The following NAALADL2 variants were observed in gnomAD, a reference collection of about 807,000 sequenced individuals.
The protein encoded by NAALADL2 is inactive N-acetylated-alpha-linked acidic dipeptidase-like protein 2.
A neutral mutation model predicts 87.2 loss-of-function variants in NAALADL2; 76 were observed. That is an observed-to-expected ratio of 0.87 (90% CI 0.72 to 1.05). The LOEUF (loss-of-function observed/expected upper bound fraction) is 1.05. Among genes scored for constraint, NAALADL2 ranks in the 50% least tolerant of loss-of-function variants. The pLI is 0.00. For missense variants in NAALADL2, 1,089 were observed against 945.8 expected (o/e 1.15, Z -1.99); for synonymous variants, 354 against 331.0 (o/e 1.07, Z -0.75).
intron 9 of NAALADL2, among the ~76,000 whole-genome samples, chr3:175,522,366 A>G (rs1340730648): frequency 6.6e-6 from 1 of 152,210 alleles, no homozygotes; most frequent in Non-Finnish European, 1.5e-5. Flanking sequence ...ACAGTAGGAC[A>G]AAAAGTTTCA....
intron 2 of NAALADL2, among the ~76,000 whole-genome samples, chr3:175,134,573 A>G (rs1728796779): frequency 6.6e-6 from 1 of 152,136 alleles, no homozygotes; most frequent in Non-Finnish European, 1.5e-5. Flanking sequence ...CTTTTTTCTC[A>G]ATATATAGCA....
At chr3:175,005,045 C>T (rs1227521945) in intron 1 of NAALADL2, among the ~76,000 whole-genome samples, 1 of 152,124 alleles carries the variant, frequency 6.6e-6, no homozygotes. Flanking sequence ...ATAGGTACTT[C>T]CTCTTGCTAA....
intron 9 of NAALADL2, among the ~76,000 whole-genome samples, chr3:175,544,381 A>G (rs1271724043): frequency 6.6e-6 from 1 of 152,156 alleles, no homozygotes; most frequent in African/African-American, 2.4e-5. Flanking sequence ...TCTGGAACAA[A>G]TAGCTAAATC....
At chr3:174,508,135 A>C (rs1719344616) in intron 1 of NAALADL2, among the ~76,000 whole-genome samples, 3 of 28,996 alleles carry the variant, frequency 1.0e-4, no homozygotes, top group Non-Finnish European at 1.6e-4. Context: ...TTTTTTTGAG[A>C]CGAAGTCTTG....
intron 5 of NAALADL2, among the ~76,000 whole-genome samples, chr3:175,370,729 G>A (rs778057161): frequency 6.6e-6 from 1 of 152,102 alleles, no homozygotes; most frequent in East Asian, 1.9e-4. Context: ...ACATTCGATG[G>A]TTCTGTGATA....
chr3:175,593,650 C>T (rs1267332437), intron 10 of NAALADL2, among the ~76,000 whole-genome samples: 1 of 152,122 alleles, frequency 6.6e-6, no homozygotes, highest in Non-Finnish European at 1.5e-5. Context: ...TTGTGGTTTG[C>T]TGCCAATGTT....
intron 9 of NAALADL2, among the ~76,000 whole-genome samples, chr3:175,542,758 A>G (rs540820107): frequency 1.3e-5 from 2 of 152,222 alleles, no homozygotes; most frequent in Non-Finnish European, 2.9e-5. Flanking sequence ...GTGGACCTAC[A>G]CAGTTTAAAT....
chr3:174,909,165 G>T (rs1222175208), intron 1 of NAALADL2, among the ~76,000 whole-genome samples: 3 of 152,024 alleles, frequency 2.0e-5, no homozygotes, highest in Admixed American at 2.0e-4. Context: ...CAGGCAGGCG[G>T]ATCACCTCAC....
chr3:175,243,320 A>AC (rs1747285073), intron 3 of NAALADL2, among the ~76,000 whole-genome samples: 1 of 103,810 alleles, frequency 9.6e-6, no homozygotes, highest in African/African-American at 3.5e-5. Context: ...CTTTAGAAGG[A>AC]AACACACACA....
chr3:175,474,209 C>T (rs1273444697), intron 9 of NAALADL2, among the ~76,000 whole-genome samples: 1 of 152,010 alleles, frequency 6.6e-6, no homozygotes, highest in African/African-American at 2.4e-5. Context: ...TATAGAATAT[C>T]TAATCCTTTG....
chr3:175,182,692 T>C (rs1736767011), intron 2 of NAALADL2, among the ~76,000 whole-genome samples: 1 of 150,144 alleles, frequency 6.7e-6, no homozygotes, highest in Non-Finnish European at 1.5e-5. Flanking sequence ...CCAATGCACC[T>C]GCCAAAAGGG....
chr3:174,907,304 C>A (rs1272019318), intron 1 of NAALADL2, among the ~76,000 whole-genome samples: 1 of 151,960 alleles, frequency 6.6e-6, no homozygotes, highest in Non-Finnish European at 1.5e-5. Context: ...GCAAATTACC[C>A]AAGATGGAGC....
chr3:174,468,521 C>T (rs943640080), intron 1 of NAALADL2, among the ~76,000 whole-genome samples: 5 of 151,088 alleles, frequency 3.3e-5, no homozygotes, highest in Non-Finnish European at 5.9e-5. Context: ...GCTGGGACTA[C>T]GGGCACCTGC....
At chr3:174,654,218 C>A (rs937869092) in intron 2 of NAALADL2, among the ~76,000 whole-genome samples, 2 of 151,990 alleles carry the variant, frequency 1.3e-5, no homozygotes, top group Non-Finnish European at 2.9e-5. Context: ...TTTGATAAAT[C>A]ATAAAATTTT....
intron 1 of NAALADL2, among the ~76,000 whole-genome samples, chr3:174,933,448 C>A (rs1206567893): frequency 6.6e-6 from 1 of 152,124 alleles, no homozygotes; most frequent in African/African-American, 2.4e-5. Flanking sequence ...TAAACTGTAT[C>A]AGTTTTTAAA....
chr3:174,958,093 T>C (rs4642139), intron 1 of NAALADL2, among the ~76,000 whole-genome samples: 64,226 of 151,362 alleles, frequency 0.42, 15,469 homozygotes, highest in Non-Finnish European at 0.56. Flanking sequence ...CGGAAGGAAC[T>C]GACAGCTTGC....
intron 1 of NAALADL2, among the ~76,000 whole-genome samples, chr3:175,074,729 G>T (rs552777265): frequency 1.3e-5 from 2 of 151,956 alleles, no homozygotes. Flanking sequence ...GAGGGTTTTT[G>T]TTATTTTTTT....
chr3:175,795,849 C>G (rs1289511312), intron 13 of NAALADL2, among the ~76,000 whole-genome samples: 3 of 151,544 alleles, frequency 2.0e-5, no homozygotes, highest in Non-Finnish European at 4.4e-5. Context: ...TTCAATATGC[C>G]CTTTAAGCTT....
chr3:174,533,627 GAAAAAAA>G (rs10712725), intron 1 of NAALADL2, among the ~76,000 whole-genome samples: 1 of 143,948 alleles, frequency 6.9e-6, no homozygotes, highest in African/African-American at 2.5e-5. Context: ...AAATTAGTTG[GAAAAAAA>G]AAAAAAAACC....
Sources: allele counts gnomAD v4.1 joint callset (sites outside exome capture counted in the v4.1 genomes callset), GRCh38; gene constraint gnomAD v4.1.1; transcripts MANE v1.5; gene names NCBI Gene and HGNC (gene_info 2026-07-23, HGNC 2026-07-21).